Variants in DIAPH3 observed in about 807,000 individuals in gnomAD.
The protein encoded by DIAPH3 is diaphanous related formin 3, also known as protein diaphanous homolog 3.
Under a neutral mutation model 144.3 loss-of-function variants are expected in DIAPH3, and 117 were observed. That is an observed-to-expected ratio of 0.81 (90% CI 0.70 to 0.95). The LOEUF (loss-of-function observed/expected upper bound fraction) is 0.95, where lower values mean the gene tolerates loss of function less well. DIAPH3 is among the 40% of genes least tolerant of loss of function. The pLI, the probability that DIAPH3 is intolerant of heterozygous loss-of-function variation, is 0.00. For missense variants in DIAPH3, 1,421 were observed against 1,412.7 expected, an observed-to-expected ratio of 1.01 and a Z score of -0.09; for synonymous variants, 519 against 488.9, an observed-to-expected ratio of 1.06 and a Z score of -0.81.
rs184977550 is a variant in DIAPH3 at position 60,129,376 on chromosome 13, T to C, written c.213+3581A>G. ...ACTTTATACAAAGAGAATGCTCATA[T>C]TTATAGAACAAACACTGCTTATAGT... On this transcript the variant is annotated intron_variant, in intron 2 of 27. Coordinates refer to ENST00000400324, the MANE Select transcript of DIAPH3 (RefSeq NM_001042517.2). Among the ~76,000 whole-genome samples the C allele has an allele frequency of 3.3e-3, 502 of 152,348 alleles. 2 individuals are homozygous for C. Among genetic ancestry groups the C allele is most frequent in the African/African-American group, 0.011 (462 of 41,586 alleles).
At chr13:59,997,825 G>C (rs908708474) in intron 9 of DIAPH3, among the ~76,000 whole-genome samples, 1 of 152,058 alleles carries the variant, frequency 6.6e-6, no homozygotes, top group African/African-American at 2.4e-5. Context: ...GGTATAAGTA[G>C]ATGTTTTTAC....
rs749894967 is a variant in DIAPH3 at position 59,666,625 on chromosome 13, G to A, written c.3541C>T (p.Pro1181Ser). The A allele has an allele frequency of 1.9e-6, 3 of 1,613,912 alleles. No individual in the cohort carries two copies. The highest frequency in any genetic ancestry group is 1.7e-5 in the Admixed American group (1 of 59,994). Residue 1181 changes from proline to serine, a missense_variant, in exon 28 of 28, where the codon CCC becomes TCC. Pro to Ser is a moderately conservative substitution (Grantham distance 74). Transcript: ENST00000400324. ...LGSFSKNESVPEVEALLARLR... is the reference protein window; with the variant it reads ...LGSFSKNESVSEVEALLARLR... ...CTTGCCAGCAGGGCTTCAACTTCGG[G>A]AACTGATTCATTTTTAGAAAAAGAG...
chr13:60,060,772 A>G (rs1937119283), intron 4 of DIAPH3, among the ~76,000 whole-genome samples: 1 of 152,090 alleles, frequency 6.6e-6, no homozygotes. Flanking sequence ...TTACTCAACT[A>G]CCATGCTCCT....
chr13:60,163,468 T>C (rs1815886626), intron 1 of DIAPH3, 119 bp downstream of exon 1: 6 of 1,386,702 alleles, frequency 4.3e-6, no homozygotes, highest in African/African-American at 4.3e-5. Context: ...TCTATGATCT[T>C]TGGCACCTCT....
rs564318686 is a variant in DIAPH3 at position 60,126,673 on chromosome 13, G to C, written c.213+6284C>G. Reference sequence around the variant, plus strand: ...ACATAAAGTAAGACTTAAAAAATCAGAAAGGACAGAATTCATGCAAACTAC... The same window carrying C: ...ACATAAAGTAAGACTTAAAAAATCACAAAGGACAGAATTCATGCAAACTAC... On this transcript the variant is annotated intron_variant, in intron 2 of 27. Coordinates refer to ENST00000400324, the MANE Select transcript of DIAPH3 (RefSeq NM_001042517.2). 2.0e-5 allele frequency among the ~76,000 whole-genome samples: 3 copies of C among 152,188 alleles called. No homozygotes were observed. In the East Asian group the frequency reaches 5.8e-4, roughly 29 times the overall value.
chr13:59,975,445 C>T (rs1215392062), intron 14 of DIAPH3, among the ~76,000 whole-genome samples: 2 of 151,988 alleles, frequency 1.3e-5, no homozygotes, highest in Non-Finnish European at 2.9e-5. Flanking sequence ...AGATTCCCCG[C>T]CTTCAGAGTC....
intron 27 of DIAPH3, among the ~76,000 whole-genome samples, chr13:59,763,660 G>C (rs1018243413): frequency 2.0e-5 from 3 of 152,048 alleles, no homozygotes; most frequent in Admixed American, 6.6e-5. Flanking sequence ...CTTCCGCCTA[G>C]GCAACAGAGA....
chr13:60,107,565 C>T (rs745520776), intron 3 of DIAPH3, among the ~76,000 whole-genome samples: 14 of 152,088 alleles, frequency 9.2e-5, no homozygotes, highest in Non-Finnish European at 1.6e-4. Context: ...AGGTTTCCCA[C>T]ACTGAAAAGC....
chr13:59,819,620 C>T (rs187892236), intron 24 of DIAPH3, among the ~76,000 whole-genome samples: 1 of 151,454 alleles, frequency 6.6e-6, no homozygotes, highest in East Asian at 1.9e-4. Flanking sequence ...CCAAAGGTTG[C>T]AAACAAACAA....
intron 13 of DIAPH3, among the ~76,000 whole-genome samples, chr13:59,983,050 C>T (rs1213831083): frequency 6.8e-6 from 1 of 147,456 alleles, no homozygotes; most frequent in South Asian, 2.2e-4. Context: ...TATAGGCTCA[C>T]TTTATTTCAT....
chr13:59,859,544 T>G (rs972564281), intron 22 of DIAPH3, among the ~76,000 whole-genome samples: 6 of 152,166 alleles, frequency 3.9e-5, no homozygotes, highest in Non-Finnish European at 8.8e-5. Context: ...ATACATCTAC[T>G]CAACCATGTT....
At chr13:59,987,005 G>C (rs572386373) in intron 12 of DIAPH3, among the ~76,000 whole-genome samples, 1 of 151,984 alleles carries the variant, frequency 6.6e-6, no homozygotes, top group South Asian at 2.1e-4. Flanking sequence ...AAATCATGCT[G>C]CTATAAAGAC....
At chr13:59,794,975 G>T (rs1211625150) in intron 25 of DIAPH3, among the ~76,000 whole-genome samples, 2 of 152,208 alleles carry the variant, frequency 1.3e-5, no homozygotes, top group Admixed American at 1.3e-4. Context: ...GCAAGACATA[G>T]TACATGCTTT....
chr13:60,044,380 CA>C (rs2055912018), intron 4 of DIAPH3: 3 of 152,054 alleles, frequency 2.0e-5, no homozygotes, highest in African/African-American at 7.2e-5. Context: ...TTATTCATGT[CA>C]TTATCAAAGT....
chr13:60,050,603 G>A (rs1440522156), intron 4 of DIAPH3, among the ~76,000 whole-genome samples: 1 of 152,294 alleles, frequency 6.6e-6, no homozygotes, highest in East Asian at 1.9e-4. Flanking sequence ...ATGCAACTGA[G>A]ACCATATGTG....
At chr13:59,857,181 G>C (rs558811898) in intron 22 of DIAPH3, among the ~76,000 whole-genome samples, 1 of 152,118 alleles carries the variant, frequency 6.6e-6, no homozygotes, top group Non-Finnish European at 1.5e-5. Context: ...AGAGGTTAAC[G>C]TGTCTTTTGG....
At chr13:59,881,025 T>C (rs1443384904) in intron 20 of DIAPH3, among the ~76,000 whole-genome samples, 1 of 149,318 alleles carries the variant, frequency 6.7e-6, no homozygotes, top group Non-Finnish European at 1.5e-5. Flanking sequence ...ATTAAGTTTA[T>C]AGAGTAAGTT....
intron 27 of DIAPH3, among the ~76,000 whole-genome samples, chr13:59,720,594 C>T (rs1240610605): frequency 6.6e-6 from 1 of 152,074 alleles, no homozygotes; most frequent in South Asian, 2.1e-4. Flanking sequence ...CAGTATTCTG[C>T]ATGTGGCTGG....
intron 27 of DIAPH3, among the ~76,000 whole-genome samples, chr13:59,679,658 C>T (rs1478717146): frequency 6.6e-6 from 1 of 152,172 alleles, no homozygotes; most frequent in Non-Finnish European, 1.5e-5. Context: ...TCACATACAT[C>T]CTCTTAAAAG....
Sources: gnomAD v4.1 joint callset for allele counts (sites outside exome capture counted in the v4.1 genomes callset) on GRCh38, gnomAD v4.1.1 for gene constraint, MANE v1.5 for transcripts, NCBI Gene and HGNC (gene_info 2026-07-23, HGNC 2026-07-21) for gene names.